The following LTBP2 variants were observed in gnomAD, a reference collection of about 807,000 sequenced individuals.
The protein encoded by LTBP2 is latent transforming growth factor beta binding protein 2.
LTBP2 carries 103 observed loss-of-function variants against 210.6 expected under a neutral mutation model. The ratio of observed to expected loss-of-function variants is 0.49; its 90% confidence interval spans 0.42 to 0.58. The LOEUF is 0.58. Ranked by LOEUF, LTBP2 falls within the 20% of genes least tolerant of loss-of-function variation. The probability of loss-of-function intolerance (pLI) is 0.00; values close to 1 mark genes in which losing one functional copy is unlikely to be tolerated. For missense variants in LTBP2, 2,313 were observed against 2,494.5 expected, an observed-to-expected ratio of 0.93 and a Z score of 1.55; for synonymous variants, 1,007 against 1,015.0, an observed-to-expected ratio of 0.99 and a Z score of 0.15.
chr14:74,525,979 G>A, intron 14 of LTBP2, 96 bp downstream of exon 14: 1 of 1,297,552 alleles, frequency 7.7e-7, no homozygotes, highest in Non-Finnish European at 1.1e-6. Context: ...GTGTGTGTGA[G>A]CGTGAACCAG....
chr14:74,502,759 C>T lies in LTBP2; in HGVS notation c.5064G>A (p.Glu1688=), dbSNP rs1336987066. Residue 1688 remains glutamate (E), a synonymous_variant, in exon 34 of 36, where the codon GAG becomes GAA. Coordinates refer to ENST00000261978, the MANE Select transcript of LTBP2 (RefSeq NM_000428.3). ...GACCGGCTGTGTTGGGGAAGGCAGG[C>T]TCAGGGACGGTGTCCTCGGGGCCCA... ...NYLGPEDTVP[E]PAFPNTAGHS... The T allele has an allele frequency of 6.2e-7, 1 of 1,614,200 alleles. No individual in the cohort carries two copies. Among genetic ancestry groups the T allele is most frequent in the South Asian group, 1.1e-5 (1 of 91,084 alleles).
At chr14:74,540,298 C>T (rs1158309547) in intron 8 of LTBP2, among the ~76,000 whole-genome samples, 1 of 152,014 alleles carries the variant, frequency 6.6e-6, no homozygotes, top group Admixed American at 6.6e-5. Context: ...CATGGCAAAA[C>T]CCTGTCTCTA....
intron 3 of LTBP2, among the ~76,000 whole-genome samples, chr14:74,577,548 G>T (rs1402631848): frequency 7.1e-6 from 1 of 141,046 alleles, no homozygotes; most frequent in Admixed American, 7.4e-5. Flanking sequence ...TCACTCTGTT[G>T]CCCAGGCTGG....
In LTBP2 at chr14:74,500,827, G is replaced by T; in HGVS notation, c.*57C>A. 6.2e-7 allele frequency: 1 copy of T among 1,608,204 alleles called. No homozygotes were observed. Among genetic ancestry groups the T allele is most frequent in the Non-Finnish European group, 8.5e-7 (1 of 1,176,336 alleles). On this transcript the variant is annotated 3_prime_UTR_variant, in exon 36 of 36. Transcript: ENST00000261978. ...TCCCAGCTAGGAAATCATCCTCAAG[G>T]CCCCTGCCTGTGACTGGAGGCCATT... is the stretch of plus-strand genomic sequence containing the variant.
At chr14:74,589,385 G>A (rs1207697851) in intron 2 of LTBP2, among the ~76,000 whole-genome samples, 5 of 152,154 alleles carry the variant, frequency 3.3e-5, no homozygotes, top group Non-Finnish European at 4.4e-5. Flanking sequence ...GAATAAATTG[G>A]ACATTGTGCA....
chr14:74,595,762 C>T (rs933311211), intron 2 of LTBP2, among the ~76,000 whole-genome samples: 2 of 152,212 alleles, frequency 1.3e-5, no homozygotes, highest in Non-Finnish European at 2.9e-5. Context: ...CCAGTTTCAT[C>T]ACCTCTGTGA....
chr14:74,550,818 G>A (rs1008972280), intron 7 of LTBP2, among the ~76,000 whole-genome samples: 1 of 152,218 alleles, frequency 6.6e-6, no homozygotes, highest in African/African-American at 2.4e-5. Context: ...CTCCAGAGGG[G>A]AACTTCCTTG....
intron 3 of LTBP2, 22 bp from the exon 4 acceptor site, chr14:74,555,715 G>A (rs191368701): frequency 5.9e-5 from 88 of 1,488,568 alleles, no homozygotes; most frequent in East Asian, 1.4e-4. Context: ...ACCGCGGCAC[G>A]GGGGTTTGCA....
chr14:74,518,523 C>A (rs1166571846), intron 17 of LTBP2, among the ~76,000 whole-genome samples: 1 of 152,198 alleles, frequency 6.6e-6, no homozygotes, highest in Non-Finnish European at 1.5e-5. Context: ...AACCCAGCGT[C>A]CCCTGAGGGC....
intron 3 of LTBP2, among the ~76,000 whole-genome samples, chr14:74,565,972 C>A (rs976833929): frequency 3.9e-5 from 6 of 152,180 alleles, no homozygotes; most frequent in African/African-American, 1.2e-4. Context: ...AACGAACAAG[C>A]CGTAAATTAA....
chr14:74,501,426 G>A lies in LTBP2; in HGVS notation c.5320+15C>T. On this transcript the variant is annotated intron_variant, in intron 35 of 35. Transcript: ENST00000261978. Reference sequence around the variant, plus strand: ...GTGGGCCAGCCTGACTCCTCCATCAGAATTCTGCACTTACCTACGCAGGCC... The same window carrying A: ...GTGGGCCAGCCTGACTCCTCCATCAAAATTCTGCACTTACCTACGCAGGCC... 2 of 1,614,024 alleles carry A rather than the reference G, an allele frequency of 1.2e-6. No individual in the cohort carries two copies. The highest frequency in any genetic ancestry group is 1.7e-6 in the Non-Finnish European group (2 of 1,180,002).
At chr14:74,605,743 C>T (rs892615094) in intron 1 of LTBP2, among the ~76,000 whole-genome samples, 2 of 152,212 alleles carry the variant, frequency 1.3e-5, no homozygotes, top group East Asian at 1.9e-4. Context: ...GTCACCCCAG[C>T]TGCCCTCAGG....
intron 2 of LTBP2, among the ~76,000 whole-genome samples, chr14:74,597,940 G>A (rs2088391450): frequency 6.6e-6 from 1 of 152,146 alleles, no homozygotes; most frequent in Non-Finnish European, 1.5e-5. Context: ...CTTTTCCTAA[G>A]GCTTGTTAAG....
intron 19 of LTBP2, 143 bp from the exon 20 acceptor site, chr14:74,510,356 A>T: frequency 8.2e-7 from 1 of 1,225,118 alleles, no homozygotes; most frequent in East Asian, 2.5e-5. Context: ...CCATGAGGCC[A>T]TGCTCCCTCC....
At chr14:74,551,466 C>A in intron 6 of LTBP2, 116 bp from the exon 7 acceptor site, 1 of 987,572 alleles carries the variant, frequency 1.0e-6, no homozygotes, top group Non-Finnish European at 1.5e-6. Context: ...TGTGTCACCC[C>A]AAAACTCTCC....
chr14:74,504,053 A>G lies in LTBP2; in HGVS notation c.4455T>C (p.Asp1485=). ...AWTFGQTMYT[D]ADECVIFGPG... ...GCCCGAATATCACACACTCATCCGCATCTGTGGAAGGCAGAGCTGAGGTGA... is the reference window on the plus strand; with the variant it reads ...GCCCGAATATCACACACTCATCCGCGTCTGTGGAAGGCAGAGCTGAGGTGA... Residue 1485 remains aspartate, a splice_region_variant and synonymous_variant, in exon 31 of 36, where the codon GAT becomes GAC. Transcript: ENST00000261978. 1 of 1,613,854 alleles carries G rather than the reference A, an allele frequency of 6.2e-7. No homozygotes were observed. The highest frequency in any genetic ancestry group is 8.5e-7 in the Non-Finnish European group (1 of 1,179,970).
In LTBP2 at chr14:74,581,225, T is replaced by C. The variant is rs192704909; in HGVS notation, c.830+4629A>G. 1.6e-3 allele frequency among the ~76,000 whole-genome samples: 239 copies of C among 152,302 alleles called. 1 individual carries two copies. The highest frequency in any genetic ancestry group is 5.3e-3 in the African/African-American group (219 of 41,556). On this transcript the variant is annotated intron_variant, in intron 3 of 35. Transcript: ENST00000261978. ...CAAGGGTCCCAGTTGGAATGTGCTG[T>C]AGTGAGTGGGTGTGGTTGGCCCCCA... is the stretch of plus-strand genomic sequence containing the variant.
intron 1 of LTBP2, among the ~76,000 whole-genome samples, chr14:74,604,164 C>CAAACAAAAAAAAAAAAAAAAAAAAA (rs1273987376): frequency 5.5e-5 from 4 of 72,740 alleles, no homozygotes; most frequent in African/African-American, 3.0e-4. Context: ...TGCCTCTCAC[C>CAAACAAAAAAAAAAAAAAAAAAAAA]AAAAAAAAAA....
chr14:74,611,946 G>T lies in LTBP2; in HGVS notation c.-2C>A. The T allele has an allele frequency of 1.3e-6, 2 of 1,573,354 alleles. No individual in the cohort carries two copies. The highest frequency in any genetic ancestry group is 1.7e-6 in the Non-Finnish European group (2 of 1,164,934). Reference sequence around the variant, plus strand: ...GCGGGCTTTGGTCCGCGGCCTCATGGCGCGGGGCGGCTGGAGAGTGGTGCG... The same window carrying T: ...GCGGGCTTTGGTCCGCGGCCTCATGTCGCGGGGCGGCTGGAGAGTGGTGCG... On this transcript the variant is annotated 5_prime_UTR_variant, in exon 1 of 36. Coordinates refer to ENST00000261978, the MANE Select transcript of LTBP2 (RefSeq NM_000428.3).
Sources: allele counts gnomAD v4.1 joint callset (sites outside exome capture counted in the v4.1 genomes callset), GRCh38; gene constraint gnomAD v4.1.1; transcripts MANE v1.5; gene names NCBI Gene and HGNC (gene_info 2026-07-23, HGNC 2026-07-21).